FAM185A: variants seen among roughly 807,000 people sequenced by gnomAD.
FAM185A encodes the protein protein FAM185A.
In FAM185A, 21 loss-of-function variants were observed where a neutral mutation model predicts 45.7. The observed-to-expected ratio is 0.46, with a 90% CI of 0.33 to 0.66. FAM185A has a LOEUF of 0.66. FAM185A is among the 30% of genes least tolerant of loss of function. The pLI is 0.03. For missense variants in FAM185A, 305 were observed against 485.4 expected (o/e 0.63, Z 3.49); for synonymous variants, 117 against 194.0 (o/e 0.60, Z 3.30).
chr7:102,749,717 A>T, intron 1 of FAM185A, 59 bp downstream of exon 1: 1 of 1,497,480 alleles, frequency 6.7e-7, no homozygotes, highest in East Asian at 2.5e-5. Flanking sequence ...TGAACTTAAT[A>T]AATGTGGTCG....
chr7:102,842,266 AC>A, the FAM185A span, among the ~76,000 whole-genome samples: 4 of 152,228 alleles, frequency 2.6e-5, no homozygotes, highest in Non-Finnish European at 4.4e-5. Context: ...ACAACTTGTA[AC>A]CCTAGAGAAG....
chr7:102,810,597 T>C (rs56080677), downstream of FAM185A, among the ~76,000 whole-genome samples: 2,547 of 152,072 alleles, frequency 0.017, 66 homozygotes, highest in African/African-American at 0.058. Flanking sequence ...TTTATGATGA[T>C]CTTTTTCTTT....
chr7:102,814,539 G>A, the FAM185A span: 4 of 152,142 alleles, frequency 2.6e-5, no homozygotes, highest in African/African-American at 4.8e-5. Flanking sequence ...TAAAATAATT[G>A]TAACCAAACT....
At chr7:102,849,965 A>C in the FAM185A span, among the ~76,000 whole-genome samples, 1 of 152,148 alleles carries the variant, frequency 6.6e-6, no homozygotes, top group Non-Finnish European at 1.5e-5. Context: ...CCTATGAAAC[A>C]AACCTGCATG....
At chr7:102,819,557 T>A in the FAM185A span, among the ~76,000 whole-genome samples, 2 of 152,220 alleles carry the variant, frequency 1.3e-5, no homozygotes, top group Admixed American at 6.5e-5. Context: ...AATTTATGTA[T>A]AAAACAGCCT....
At chr7:102,836,908 C>A in the FAM185A span, among the ~76,000 whole-genome samples, 1 of 152,236 alleles carries the variant, frequency 6.6e-6, no homozygotes, top group Admixed American at 6.5e-5. Flanking sequence ...CATCTCTTGA[C>A]TATTTGCCTC....
At chr7:102,773,453 C>T (rs1562856679) in intron 5 of FAM185A, among the ~76,000 whole-genome samples, 1 of 152,116 alleles carries the variant, frequency 6.6e-6, no homozygotes, top group Non-Finnish European at 1.5e-5. Context: ...GTTCATTCTA[C>T]TGTTGATGGA....
rs191968313 is a variant in FAM185A, at chr7:102,788,126, G to A, written c.1066+657G>A. On this transcript the variant is annotated intron_variant, in intron 7 of 7. Transcript: ENST00000413034. The stretch of plus-strand genomic sequence containing the variant: ...ACTACAGGCATGCACCACCATGCCC[G>A]GCTAATTTTTTTTTGTATTTGTAAT... Among the ~76,000 whole-genome samples the A allele has an allele frequency of 8.9e-4, 136 of 152,040 alleles. 1 individual carries two copies. Among genetic ancestry groups the A allele is most frequent in the African/African-American group, 3.2e-3 (131 of 41,444 alleles).
the FAM185A span, chr7:102,814,365 T>G: frequency 1.3e-5 from 2 of 152,204 alleles, no homozygotes; most frequent in Admixed American, 6.5e-5. Context: ...GTCTGGAAAC[T>G]GAGTCATTGA....
At position 102,808,470 on chromosome 7, in the gene FAM185A, T is replaced by C; in HGVS notation, c.*68T>C. On this transcript the variant is annotated 3_prime_UTR_variant, in exon 8 of 8. Coordinates refer to ENST00000413034, the MANE Select transcript of FAM185A (RefSeq NM_001145268.2). Reference sequence around the variant, plus strand: ...AGATCTGTGACTACAAAAATGTAAATCCCACCATTCATATAAAGGTTGAAA... The same window carrying C: ...AGATCTGTGACTACAAAAATGTAAACCCCACCATTCATATAAAGGTTGAAA... 2 of 953,374 alleles carry C rather than the reference T, an allele frequency of 2.1e-6. No homozygotes were observed. Among genetic ancestry groups the C allele is most frequent in the South Asian group, 2.8e-5 (2 of 70,754 alleles). 59.1% of individuals were successfully genotyped at this position (953,374 alleles called of 1,614,324 possible). A position where few individuals can be genotyped will look rare whatever the true frequency, so the allele number is the denominator to read the frequency against.
chr7:102,753,006 C>T (rs1413026068), intron 2 of FAM185A, among the ~76,000 whole-genome samples: 1 of 151,540 alleles, frequency 6.6e-6, no homozygotes, highest in African/African-American at 2.4e-5. Context: ...CCTTTATTTG[C>T]GTATCTGCCA....
the FAM185A span, among the ~76,000 whole-genome samples, chr7:102,817,636 T>C: frequency 6.6e-6 from 1 of 152,198 alleles, no homozygotes; most frequent in African/African-American, 2.4e-5. Context: ...ATGTAGAAAC[T>C]ATATTTCTGG....
chr7:102,844,786 G>C, the FAM185A span, among the ~76,000 whole-genome samples: 8 of 152,136 alleles, frequency 5.3e-5, no homozygotes, highest in Admixed American at 6.5e-5. Context: ...GATGCCAATC[G>C]CAAGTCCCAG....
At chr7:102,751,366 A>G (rs1373828457) in intron 1 of FAM185A, among the ~76,000 whole-genome samples, 1 of 152,306 alleles carries the variant, frequency 6.6e-6, no homozygotes, top group South Asian at 2.1e-4. Context: ...AACCTAAGTC[A>G]TGATCATATA....
chr7:102,798,656 G>A (rs80068482), intron 7 of FAM185A, among the ~76,000 whole-genome samples: 3 of 152,218 alleles, frequency 2.0e-5, no homozygotes, highest in Non-Finnish European at 2.9e-5. Flanking sequence ...GTGCTAAATG[G>A]TATTTAAAAA....
At chr7:102,758,796 G>T (rs1376741174) in intron 3 of FAM185A, among the ~76,000 whole-genome samples, 1 of 151,802 alleles carries the variant, frequency 6.6e-6, no homozygotes, top group Non-Finnish European at 1.5e-5. Context: ...GACTATAACA[G>T]TAATTGTTTC....
the FAM185A span, chr7:102,832,713 A>G: frequency 8.4e-7 from 1 of 1,193,420 alleles, no homozygotes; most frequent in Non-Finnish European, 1.1e-6. Flanking sequence ...ATAGAAGAAA[A>G]AAATCCAATG....
At chr7:102,781,604 G>T (rs1436800421) in intron 6 of FAM185A, among the ~76,000 whole-genome samples, 6 of 152,196 alleles carry the variant, frequency 3.9e-5, no homozygotes, top group African/African-American at 1.2e-4. Context: ...GGTCCTGACT[G>T]TTAGAAGGAA....
chr7:102,844,797 G>A, the FAM185A span, among the ~76,000 whole-genome samples: 1 of 152,140 alleles, frequency 6.6e-6, no homozygotes, highest in African/African-American at 2.4e-5. Context: ...CAAGTCCCAG[G>A]TTGTCACTTG....
Sources: allele counts gnomAD v4.1 joint callset (sites outside exome capture counted in the v4.1 genomes callset), GRCh38; gene constraint gnomAD v4.1.1; transcripts MANE v1.5; gene names NCBI Gene and HGNC (gene_info 2026-07-23, HGNC 2026-07-21).